KIF26B: variants seen among roughly 807,000 people sequenced by gnomAD.
KIF26B encodes the protein kinesin family member 26B.
Under a neutral mutation model 151.2 loss-of-function variants are expected in KIF26B, and 63 were observed. The ratio of observed to expected loss-of-function variants is 0.42; its 90% CI spans 0.34 to 0.51. The LOEUF is 0.51. KIF26B is among the 20% of genes least tolerant of loss of function. KIF26B has a pLI of 0.07. For synonymous variants in KIF26B, 1,357 were observed against 1,262.1 expected, an observed-to-expected ratio of 1.08 and a Z score of -1.59; for missense variants, 2,813 against 2,913.6, an observed-to-expected ratio of 0.97 and a Z score of 0.79.
intron 2 of KIF26B, among the ~76,000 whole-genome samples, chr1:245,246,894 GACACA>G (rs1558360414): frequency 1.9e-5 from 1 of 51,686 alleles, no homozygotes; most frequent in Non-Finnish European, 4.5e-5. Flanking sequence ...CACACACACA[GACACA>G]CACACACAGA....
chr1:245,197,242 T>A (rs148644533), intron 2 of KIF26B, among the ~76,000 whole-genome samples: 159 of 152,326 alleles, frequency 1.0e-3, no homozygotes, highest in African/African-American at 3.2e-3. Context: ...TGTAATCCTC[T>A]TATAAACCAT....
chr1:245,699,537 TAGAA>T (rs1337934858), intron 14 of KIF26B, among the ~76,000 whole-genome samples: 1 of 151,432 alleles, frequency 6.6e-6, no homozygotes. Flanking sequence ...TTCCATTTAA[TAGAA>T]AGCCCAGGAT....
At chr1:245,537,737 T>A (rs1175650875) in intron 4 of KIF26B, among the ~76,000 whole-genome samples, 2 of 152,198 alleles carry the variant, frequency 1.3e-5, no homozygotes, top group Non-Finnish European at 2.9e-5. Context: ...GCTGAATGTG[T>A]AACAGCTTTG....
Position 245,156,362 on chromosome 1 carries a change from G to A in KIF26B, c.144G>A (p.Ser48=), listed in dbSNP as rs1160633071. 6.5e-7 allele frequency: 1 copy of A among 1,544,570 alleles called. No individual in the cohort carries two copies. The highest frequency in any genetic ancestry group is 2.0e-5 in the Admixed American group (1 of 50,850). The change falls in exon 2 of 15, where the codon TCG becomes TCA. Residue 48 remains serine (S), a synonymous_variant. Coordinates refer to ENST00000407071, the MANE Select transcript of KIF26B (RefSeq NM_018012.4). ...GGTACCGGAAAGCATACGAGGAGTCGCGCGCCGGCAGCCGGCCCACTCCTG... is the reference window on the plus strand; with the variant it reads ...GGTACCGGAAAGCATACGAGGAGTCACGCGCCGGCAGCCGGCCCACTCCTG... ...ESWYRKAYEE[S]RAGSRPTPEG...
chr1:245,489,858 C>T (rs1219171715), intron 4 of KIF26B, among the ~76,000 whole-genome samples: 1 of 152,196 alleles, frequency 6.6e-6, no homozygotes, highest in Non-Finnish European at 1.5e-5. Context: ...TGGAACTTTG[C>T]TGAGAACTTT....
intron 2 of KIF26B, among the ~76,000 whole-genome samples, chr1:245,221,003 A>T (rs913535075): frequency 2.0e-5 from 3 of 152,240 alleles, no homozygotes; most frequent in African/African-American, 7.2e-5. Flanking sequence ...GACCCAGGAC[A>T]GCCCCATTTG....
At chr1:245,400,254 G>A (rs1673962420) in intron 3 of KIF26B, among the ~76,000 whole-genome samples, 1 of 152,202 alleles carries the variant, frequency 6.6e-6, no homozygotes, top group South Asian at 2.1e-4. Flanking sequence ...ATTTTCTAAT[G>A]TGACTCTGAT....
At chr1:245,478,089 G>A (rs987157161) in intron 4 of KIF26B, among the ~76,000 whole-genome samples, 1 of 151,740 alleles carries the variant, frequency 6.6e-6, no homozygotes, top group African/African-American at 2.4e-5. Flanking sequence ...CATACAATAC[G>A]TGAACTTCTG....
At chr1:245,414,633 C>T (rs1674373667) in intron 3 of KIF26B, among the ~76,000 whole-genome samples, 1 of 152,228 alleles carries the variant, frequency 6.6e-6, no homozygotes, top group African/African-American at 2.4e-5. Context: ...TGGAGTCTTC[C>T]TTCTAGGCCC....
At chr1:245,362,310 C>T (rs1035999622) in intron 2 of KIF26B, among the ~76,000 whole-genome samples, 9 of 144,166 alleles carry the variant, frequency 6.2e-5, no homozygotes, top group Admixed American at 2.2e-4. Flanking sequence ...GGGCAGATCA[C>T]GAGGTCAAGA....
chr1:245,220,668 C>CA (rs1454569746), intron 2 of KIF26B, among the ~76,000 whole-genome samples: 1 of 152,126 alleles, frequency 6.6e-6, no homozygotes, highest in Non-Finnish European at 1.5e-5. Context: ...CTGTCTCTTT[C>CA]AAAAGGAGGT....
intron 4 of KIF26B, among the ~76,000 whole-genome samples, chr1:245,494,916 T>C (rs1234867580): frequency 1.3e-5 from 2 of 152,112 alleles, no homozygotes; most frequent in South Asian, 2.1e-4. Context: ...GGCGCACACC[T>C]GTAGTCCCAG....
At chr1:245,328,573 T>G (rs1055220151) in intron 2 of KIF26B, among the ~76,000 whole-genome samples, 2 of 152,098 alleles carry the variant, frequency 1.3e-5, no homozygotes, top group Non-Finnish European at 2.9e-5. Flanking sequence ...ATTCCTAGAG[T>G]GGCCAGTGCA....
intron 2 of KIF26B, among the ~76,000 whole-genome samples, chr1:245,348,210 G>A (rs535572831): frequency 3.9e-5 from 6 of 152,052 alleles, no homozygotes; most frequent in Non-Finnish European, 5.9e-5. Context: ...TAAATAAATC[G>A]TGGAATGATC....
At chr1:245,596,724 A>C (rs2043339414) in intron 5 of KIF26B, among the ~76,000 whole-genome samples, 1 of 152,108 alleles carries the variant, frequency 6.6e-6, no homozygotes. Flanking sequence ...TCTAATATTG[A>C]CAGTGGGATG....
intron 14 of KIF26B, among the ~76,000 whole-genome samples, chr1:245,701,501 T>C (rs2147971212): frequency 6.6e-6 from 1 of 152,258 alleles, no homozygotes; most frequent in South Asian, 2.1e-4. Flanking sequence ...TCAGCCTCAG[T>C]GAGTCACGTC....
intron 4 of KIF26B, among the ~76,000 whole-genome samples, chr1:245,535,029 C>T (rs749565878): frequency 1.3e-5 from 2 of 151,924 alleles, no homozygotes; most frequent in African/African-American, 2.4e-5. Context: ...GTGATCCACC[C>T]ACCTCGGCCT....
At chr1:245,633,369 T>C (rs143913139) in intron 9 of KIF26B, among the ~76,000 whole-genome samples, 67 of 152,282 alleles carry the variant, frequency 4.4e-4, no homozygotes, top group African/African-American at 1.5e-3. Flanking sequence ...ATGTCATTGA[T>C]AGGTAAGGAC....
At chr1:245,226,604 C>T (rs1335963753) in intron 2 of KIF26B, among the ~76,000 whole-genome samples, 4 of 152,146 alleles carry the variant, frequency 2.6e-5, no homozygotes, top group African/African-American at 9.6e-5. Flanking sequence ...GCTGGGATTA[C>T]AGGCATGCAC....
Sources: allele counts gnomAD v4.1 joint callset (sites outside exome capture counted in the v4.1 genomes callset), GRCh38; gene constraint gnomAD v4.1.1; transcripts MANE v1.5; gene names NCBI Gene and HGNC (gene_info 2026-07-23, HGNC 2026-07-21).